Variants in UBE2E2 observed in about 807,000 individuals in gnomAD.
The protein encoded by UBE2E2 is ubiquitin conjugating enzyme E2 E2.
Under a neutral mutation model 24.7 loss-of-function variants are expected in UBE2E2, and 6 were observed. The ratio of observed to expected loss-of-function variants is 0.24; its 90% CI spans 0.13 to 0.48. The LOEUF (loss-of-function observed/expected upper bound fraction) is 0.48, where lower values mean the gene tolerates loss of function less well. Among genes scored for constraint, UBE2E2 ranks in the 20% least tolerant of loss-of-function variants. The pLI is 0.99. For missense variants in UBE2E2, 169 were observed against 245.0 expected (o/e 0.69, Z 2.07); for synonymous variants, 104 against 83.6 (o/e 1.24, Z -1.33).
At chr3:23,489,600 G>C (rs760084474) in intron 3 of UBE2E2, among the ~76,000 whole-genome samples, 1 of 152,224 alleles carries the variant, frequency 6.6e-6, no homozygotes, top group African/African-American at 2.4e-5. Flanking sequence ...AGCCCTGCTA[G>C]TTTCTTGCTT....
At chr3:23,323,503 C>A in intron 3 of UBE2E2, 1 of 435,174 alleles carries the variant, frequency 2.3e-6, no homozygotes, top group Non-Finnish European at 4.6e-6. Flanking sequence ...TTGTAATTCA[C>A]AACTTTTTCA....
At chr3:23,449,395 G>C (rs1044813873) in intron 3 of UBE2E2, among the ~76,000 whole-genome samples, 3 of 152,184 alleles carry the variant, frequency 2.0e-5, no homozygotes, top group African/African-American at 7.2e-5. Context: ...TTCACAAGAA[G>C]TAACTGGATG....
chr3:23,301,198 A>G (rs1320741567), intron 3 of UBE2E2, among the ~76,000 whole-genome samples: 1 of 151,892 alleles, frequency 6.6e-6, no homozygotes, highest in African/African-American at 2.4e-5. Context: ...ATTTTTTTTC[A>G]AAGCTTTTTA....
intron 3 of UBE2E2, among the ~76,000 whole-genome samples, chr3:23,260,796 G>T (rs575195865): frequency 6.6e-6 from 1 of 152,294 alleles, no homozygotes; most frequent in Admixed American, 6.5e-5. Context: ...TGTCTCAGGT[G>T]GGGGTTGGAG....
At chr3:23,456,816 A>G (rs1227894564) in intron 3 of UBE2E2, among the ~76,000 whole-genome samples, 1 of 152,328 alleles carries the variant, frequency 6.6e-6, no homozygotes, top group East Asian at 1.9e-4. Flanking sequence ...CACCATCTGC[A>G]TTAGCCCCTA....
At chr3:23,573,213 ATGATAAAGT>A (rs1696265576) in intron 5 of UBE2E2, among the ~76,000 whole-genome samples, 1 of 152,254 alleles carries the variant, frequency 6.6e-6, no homozygotes, top group African/African-American at 2.4e-5. Flanking sequence ...AAGCTTGTGT[ATGATAAAGT>A]TAACATTTCA....
intron 3 of UBE2E2, among the ~76,000 whole-genome samples, chr3:23,344,697 AAAT>A (rs1196437189): frequency 6.6e-6 from 1 of 151,666 alleles, no homozygotes; most frequent in African/African-American, 2.4e-5. Flanking sequence ...GTTTCAAAAA[AAAT>A]AATATATATA....
At chr3:23,342,376 T>C (rs1695416581) in intron 3 of UBE2E2, among the ~76,000 whole-genome samples, 1 of 152,130 alleles carries the variant, frequency 6.6e-6, no homozygotes, top group African/African-American at 2.4e-5. Context: ...AGTTTCTCCA[T>C]GTTGCCCAGG....
intron 3 of UBE2E2, among the ~76,000 whole-genome samples, chr3:23,313,695 T>C (rs1231202975): frequency 6.6e-6 from 1 of 152,156 alleles, no homozygotes; most frequent in Non-Finnish European, 1.5e-5. Context: ...TCTTGTTTTT[T>C]TAATCCTTGC....
chr3:23,264,961 A>C (rs1698006095), intron 3 of UBE2E2, among the ~76,000 whole-genome samples: 1 of 152,180 alleles, frequency 6.6e-6, no homozygotes, highest in South Asian at 2.1e-4. Context: ...TGTTCACTAC[A>C]TTTCCAGACA....
chr3:23,278,055 A>G (rs1575527138), intron 3 of UBE2E2, among the ~76,000 whole-genome samples: 2 of 152,280 alleles, frequency 1.3e-5, no homozygotes, highest in Admixed American at 1.3e-4. Context: ...TTGGGATTAA[A>G]GTAACAAAAA....
At chr3:23,534,269 T>A (rs1695201136) in intron 5 of UBE2E2, 2 of 980,260 alleles carry the variant, frequency 2.0e-6, no homozygotes, top group African/African-American at 3.5e-5. Context: ...CTTAAAGGAA[T>A]AGATTCATTC....
chr3:23,371,660 C>T (rs960836471), intron 3 of UBE2E2, among the ~76,000 whole-genome samples: 2 of 151,970 alleles, frequency 1.3e-5, no homozygotes, highest in Non-Finnish European at 2.9e-5. Flanking sequence ...TCAAAAGTTA[C>T]AGTAGTATAT....
rs200187087 is a variant in UBE2E2 at position 23,323,498 on chromosome 3, A to C, written c.227+106186A>C. On this transcript the variant is annotated intron_variant, in intron 3 of 5. Transcript: ENST00000396703. ...ATTCGAAAATTCAAAACACTTTGTA[A>C]TTCACAACTTTTTCAGCACCAACAT... 18 of 437,952 alleles carry C rather than the reference A, an allele frequency of 4.1e-5. No homozygotes were observed. In the East Asian group the frequency reaches 1.4e-3, roughly 33 times the overall value. 27.1% of individuals were successfully genotyped at this position (437,952 alleles called of 1,614,324 possible).
At chr3:23,441,892 G>A (rs1285203436) in intron 3 of UBE2E2, among the ~76,000 whole-genome samples, 1 of 152,026 alleles carries the variant, frequency 6.6e-6, no homozygotes, top group Non-Finnish European at 1.5e-5. Flanking sequence ...TTTGCTTTTG[G>A]TGTACCACTT....
intron 3 of UBE2E2, among the ~76,000 whole-genome samples, chr3:23,496,684 C>A (rs907960982): frequency 1.6e-4 from 25 of 152,054 alleles, no homozygotes; most frequent in African/African-American, 6.0e-4. Flanking sequence ...TGTGTTGTTT[C>A]CAATTTTGCT....
chr3:23,296,201 G>A (rs886902324), intron 3 of UBE2E2, among the ~76,000 whole-genome samples: 1 of 152,068 alleles, frequency 6.6e-6, no homozygotes, highest in Non-Finnish European at 1.5e-5. Flanking sequence ...TAAAACTCAT[G>A]ATCTTATTGT....
chr3:23,298,327 GA>G (rs2125257755), intron 3 of UBE2E2, among the ~76,000 whole-genome samples: 1 of 151,724 alleles, frequency 6.6e-6, no homozygotes, highest in East Asian at 1.9e-4. Context: ...ACACTATGTT[GA>G]ATAGGAGTGG....
intron 3 of UBE2E2, among the ~76,000 whole-genome samples, chr3:23,363,273 A>T (rs1045558434): frequency 6.6e-6 from 1 of 152,220 alleles, no homozygotes; most frequent in African/African-American, 2.4e-5. Context: ...TAACAACATG[A>T]TGATGAAATC....
Sources: allele counts gnomAD v4.1 joint callset (sites outside exome capture counted in the v4.1 genomes callset), GRCh38; gene constraint gnomAD v4.1.1; transcripts MANE v1.5; gene names NCBI Gene and HGNC (gene_info 2026-07-23, HGNC 2026-07-21).